The following MED4 variants were observed in gnomAD, a reference collection of about 807,000 sequenced individuals.
MED4 encodes mediator complex subunit 4.
Under a neutral mutation model 35.0 loss-of-function variants are expected in MED4, and 21 were observed. The observed-to-expected ratio is 0.60, with a 90% CI of 0.43 to 0.86. MED4 has a LOEUF of 0.86. Among genes scored for constraint, MED4 ranks in the 40% least tolerant of loss-of-function variants. The pLI, the probability that MED4 is intolerant of heterozygous loss-of-function variation, is 0.00. For synonymous variants in MED4, 138 were observed against 114.0 expected (o/e 1.21, Z -1.34); for missense variants, 300 against 319.4 (o/e 0.94, Z 0.46).
intron 4 of MED4, among the ~76,000 whole-genome samples, chr13:48,082,959 T>C (rs1950820895): frequency 6.6e-6 from 1 of 152,234 alleles, no homozygotes; most frequent in South Asian, 2.1e-4. Context: ...TCTGACTTCA[T>C]GTACGTCTGG....
intron 2 of MED4, among the ~76,000 whole-genome samples, chr13:48,089,306 C>G (rs948437577): frequency 6.6e-6 from 1 of 152,148 alleles, no homozygotes; most frequent in African/African-American, 2.4e-5. Context: ...CTATTGAGTC[C>G]GTCAGATTTC....
chr13:48,081,670 T>A lies in MED4; in HGVS notation c.483A>T (p.Val161=), dbSNP rs80308585. 1,849 of 1,612,006 alleles carry A rather than the reference T, an allele frequency of 1.1e-3. 23 individuals are homozygous for A. The African/African-American group carries it at 0.021, about 19-fold the overall frequency. Residue 161 remains valine (V), a synonymous_variant, in exon 5 of 7, where the codon GTA becomes GTT. Coordinates refer to ENST00000258648, the MANE Select transcript of MED4 (RefSeq NM_014166.4). ...YAHRISASNA[V]CAPLTWVPGD... is the part of the protein sequence containing the mutation. ...CTGGAACCCAGGTCAGTGGAGCACA[T>A]ACAGCATTACTTGCACTGATCCTAT...
At chr13:48,084,026 C>T (rs906592093) in intron 3 of MED4, among the ~76,000 whole-genome samples, 2 of 151,846 alleles carry the variant, frequency 1.3e-5, no homozygotes, top group African/African-American at 2.4e-5. Flanking sequence ...TTTGGGAGGC[C>T]GAGGCAGGCA....
In MED4 at chr13:48,092,377, G is replaced by A. The variant is rs190351459; in HGVS notation, c.126-1959C>T. The stretch of plus-strand genomic sequence containing the variant: ...TCCGCCGGCCTCGGCCTCCCAAAGT[G>A]CTGGGATTACAGGCATGAGCCACTG... On this transcript the variant is annotated intron_variant, in intron 1 of 6. Coordinates refer to ENST00000258648, the MANE Select transcript of MED4 (RefSeq NM_014166.4). 2.3e-3 allele frequency among the ~76,000 whole-genome samples: 357 copies of A among 152,336 alleles called. 1 individual carries two copies. The highest frequency in any genetic ancestry group is 3.8e-3 in the Non-Finnish European group (258 of 68,034).
intron 1 of MED4, 119 bp from the exon 2 acceptor site, chr13:48,090,537 G>A (rs867835325): frequency 4.5e-5 from 30 of 673,672 alleles, no homozygotes; most frequent in Middle Eastern, 5.3e-4. Context: ...CGCTTGTGCC[G>A]GTTACCAAAC....
In MED4 at chr13:48,079,967, G is replaced by T; in HGVS notation, c.517C>A (p.Arg173=). 1 of 1,612,726 alleles carries T rather than the reference G, an allele frequency of 6.2e-7. No homozygotes were observed. The highest frequency in any genetic ancestry group is 8.5e-7 in the Non-Finnish European group (1 of 1,179,222). ...APLTWVPGDP[R]RPYPTDLEMR... is the part of the protein sequence containing the mutation. The stretch of plus-strand genomic sequence containing the variant: ...TCTAAATCAGTTGGGTAGGGTCTCC[G>T]GGGGTCCCCTAAAACAATAAAGACT... Residue 173 remains arginine (R), a synonymous_variant, in exon 6 of 7, where the codon CGG becomes AGG. Transcript: ENST00000258648.
At chr13:48,082,711 C>T (rs1377708072) in intron 4 of MED4, among the ~76,000 whole-genome samples, 1 of 152,098 alleles carries the variant, frequency 6.6e-6, no homozygotes, top group Non-Finnish European at 1.5e-5. Flanking sequence ...CCTGTAGTCC[C>T]AGCTACTCGG....
rs866513775 is a variant in MED4, at chr13:48,093,863, A to G, written c.125+1091T>C. Among the ~76,000 whole-genome samples, 7 of 152,378 alleles carry G rather than the reference A, an allele frequency of 4.6e-5. No individual in the cohort carries two copies. The Middle Eastern group carries it at 0.017, about 370-fold the overall frequency. On this transcript the variant is annotated intron_variant, in intron 1 of 6. Coordinates refer to ENST00000258648, the MANE Select transcript of MED4 (RefSeq NM_014166.4). The stretch of plus-strand genomic sequence containing the variant: ...AAATAAAGTGCTGATTATATCACGT[A>G]TATTTTAAAATACAACAGGTAAGAT...
chr13:48,088,255 A>G (rs1485875378), intron 2 of MED4, among the ~76,000 whole-genome samples: 1 of 152,254 alleles, frequency 6.6e-6, no homozygotes, highest in East Asian at 1.9e-4. Flanking sequence ...ATCAAAATTC[A>G]GAATCAATTT....
At chr13:48,091,080 T>C (rs1045172336) in intron 1 of MED4, among the ~76,000 whole-genome samples, 11 of 152,178 alleles carry the variant, frequency 7.2e-5, no homozygotes, top group African/African-American at 2.4e-4. Flanking sequence ...ATAACATGAT[T>C]AGTGAATGAA....
intron 6 of MED4, among the ~76,000 whole-genome samples, chr13:48,077,873 T>C (rs1049366471): frequency 6.6e-6 from 1 of 152,214 alleles, no homozygotes; most frequent in African/African-American, 2.4e-5. Flanking sequence ...TGTAAGACAT[T>C]TGTAATTACA....
chr13:48,095,059 C>A lies in MED4; in HGVS notation c.20G>T (p.Gly7Val). MAASSSGEKEKERLGGG... is the reference protein window; with the variant it reads MAASSSVEKEKERLGGG... Reference sequence around the variant, plus strand: ...TCCCAGCCGCTCCTTCTCCTTCTCACCACTCGAAGACGCAGCCATTTTCCC... The same window carrying A: ...TCCCAGCCGCTCCTTCTCCTTCTCAACACTCGAAGACGCAGCCATTTTCCC... The change falls in exon 1 of 7, where the codon GGT becomes GTT. Residue 7 changes from glycine (G) to valine (V), a missense_variant. Coordinates refer to ENST00000258648, the MANE Select transcript of MED4 (RefSeq NM_014166.4). The A allele has an allele frequency of 1.2e-6, 2 of 1,605,088 alleles. No individual in the cohort carries two copies. Among genetic ancestry groups the A allele is most frequent in the Non-Finnish European group, 1.7e-6 (2 of 1,179,906 alleles).
Position 48,080,396 on chromosome 13 carries a change from CAAAAAAAAAA to C in MED4, c.509-431_509-422del, listed in dbSNP as rs57198503. On this transcript the variant is annotated intron_variant, in intron 5 of 6. Transcript: ENST00000258648. Reference sequence around the variant, plus strand: ...TGGGCCACAGAGCAAGACCCTGTCTCAAAAAAAAAAAAAAAAAAAAAAGAAAGAAAGAAAT... The same window carrying C: ...TGGGCCACAGAGCAAGACCCTGTCTCAAAAAAAAAAAAGAAAGAAAGAAAT... Among the ~76,000 whole-genome samples, 4 of 68,816 alleles carry C rather than the reference CAAAAAAAAAA, an allele frequency of 5.8e-5. No individual in the cohort carries two copies. The Admixed American group carries it at 5.8e-4, about 10-fold the overall frequency. 45.1% of individuals were successfully genotyped at this position (68,816 alleles called of 152,430 possible).
At chr13:48,089,066 C>T (rs4942747) in intron 2 of MED4, among the ~76,000 whole-genome samples, 43,926 of 152,092 alleles carry the variant, frequency 0.29, 7,935 homozygotes, top group African/African-American at 0.51. Flanking sequence ...AAAGTCAAGC[C>T]TTGCATTTTA....
At position 48,078,570 on chromosome 13, in the gene MED4, C is replaced by CTGA. The variant is rs746261909; in HGVS notation, c.641-1262_641-1260dup. 2.0e-5 allele frequency among the ~76,000 whole-genome samples: 3 copies of CTGA among 152,318 alleles called. No homozygotes were observed. In the East Asian group the frequency reaches 5.8e-4, roughly 29 times the overall value. ...ATTTCCTGCTTGCCAGCTCTGGCCTCTGATGCCTCATCTAACTTCTCTGCC... is the reference window on the plus strand; with the variant it reads ...ATTTCCTGCTTGCCAGCTCTGGCCTCTGATGATGCCTCATCTAACTTCTCTGCC... On this transcript the variant is annotated intron_variant, in intron 6 of 6. Transcript: ENST00000258648.
At chr13:48,078,886 CA>C (rs1950782223) in intron 6 of MED4, among the ~76,000 whole-genome samples, 1 of 152,122 alleles carries the variant, frequency 6.6e-6, no homozygotes, top group Middle Eastern at 3.4e-3. Context: ...TATGATGTAA[CA>C]TTAAGCAAAA....
intron 2 of MED4, among the ~76,000 whole-genome samples, chr13:48,089,441 A>AT (rs1950874857): frequency 1.3e-5 from 2 of 151,780 alleles, no homozygotes; most frequent in South Asian, 4.2e-4. Context: ...TCTCTTAAAC[A>AT]TTTTTTTTGG....
rs1950848518 is a variant in MED4, at chr13:48,086,343, T to C, written c.302A>G (p.Glu101Gly). Residue 101 changes from glutamate to glycine, a missense_variant, in exon 3 of 7, where the codon GAG (glutamate) becomes GGG (glycine). Transcript: ENST00000258648. Reference sequence around the variant, plus strand: ...CTGCTGAATATCACTGTCTCTCTTCTCTACTTCTTTTTCTAAAACTTGCAT... The same window carrying C: ...CTGCTGAATATCACTGTCTCTCTTCCCTACTTCTTTTTCTAAAACTTGCAT... Reference protein sequence around the residue: ...HEMQVLEKEVEKRDSDIQQLQ... With the variant: ...HEMQVLEKEVGKRDSDIQQLQ... 1.9e-6 allele frequency: 3 copies of C among 1,613,904 alleles called. No homozygotes were observed. The highest frequency in any genetic ancestry group is 3.3e-4 in the Middle Eastern group (2 of 6,058).
chr13:48,083,971 T>G (rs1950829950), intron 3 of MED4, among the ~76,000 whole-genome samples: 1 of 152,070 alleles, frequency 6.6e-6, no homozygotes, highest in Admixed American at 6.6e-5. Flanking sequence ...GTTAAGAGTA[T>G]GGAGTCAGGC....
Sources: allele counts gnomAD v4.1 joint callset (sites outside exome capture counted in the v4.1 genomes callset), GRCh38; gene constraint gnomAD v4.1.1; transcripts MANE v1.5; gene names NCBI Gene and HGNC (gene_info 2026-07-23, HGNC 2026-07-21).